CTNND1: variants seen among roughly 807,000 people sequenced by gnomAD.
CTNND1 encodes catenin delta 1, also known as catenin delta-1.
A neutral mutation model predicts 112.1 loss-of-function variants in CTNND1; 16 were observed. The ratio of observed to expected loss-of-function variants is 0.14; its 90% CI spans 0.10 to 0.22. The LOEUF (loss-of-function observed/expected upper bound fraction) is 0.22, where lower values mean the gene tolerates loss of function less well. CTNND1 is among the 10% of genes least tolerant of loss of function. The pLI, the probability that CTNND1 is intolerant of heterozygous loss-of-function variation, is 1.00. For missense variants in CTNND1, 1,008 were observed against 1,257.0 expected (o/e 0.80, Z 3.00); for synonymous variants, 420 against 446.5 (o/e 0.94, Z 0.75).
At chr11:57,782,233 A>G (rs2059656605) in intron 1 of CTNND1, among the ~76,000 whole-genome samples, 1 of 152,194 alleles carries the variant, frequency 6.6e-6, no homozygotes, top group Non-Finnish European at 1.5e-5. Context: ...CCAATCAGAG[A>G]GAATGTATCA....
At chr11:57,807,605 CAAAAAAAA>C (rs71470294) in intron 12 of CTNND1, among the ~76,000 whole-genome samples, 5 of 29,226 alleles carry the variant, frequency 1.7e-4, no homozygotes, top group African/African-American at 2.6e-4. Context: ...AACTCCGTCT[CAAAAAAAA>C]AAAAAAAAAA....
chr11:57,773,731 G>A (rs191327664), intron 1 of CTNND1, among the ~76,000 whole-genome samples: 5 of 151,494 alleles, frequency 3.3e-5, no homozygotes, highest in Admixed American at 6.6e-5. Context: ...GAGGTCAGGA[G>A]TTAGAGACCA....
intron 1 of CTNND1, among the ~76,000 whole-genome samples, chr11:57,784,014 G>A (rs1236423280): frequency 6.6e-6 from 1 of 151,916 alleles, no homozygotes; most frequent in Non-Finnish European, 1.5e-5. Context: ...GGACCTCCTA[G>A]ACTCAAGCAA....
chr11:57,808,093 G>A (rs900927992), intron 12 of CTNND1, 72 bp from the exon 13 acceptor site: 54 of 1,519,350 alleles, frequency 3.6e-5, no homozygotes, highest in Middle Eastern at 2.4e-4. Context: ...ACTAAGGCTG[G>A]ACTCCAGCCA....
chr11:57,794,061 T>A lies in CTNND1; in HGVS notation c.247T>A (p.Leu83Met), dbSNP rs2061066542. ...CCTTGAAAGACAGAAATTTTCAGATTTGAAACTCAACGGACCCCAGGTAAT... is the reference window on the plus strand; with the variant it reads ...CCTTGAAAGACAGAAATTTTCAGATATGAAACTCAACGGACCCCAGGTAAT... ...ADLERQKFSD[L>M]KLNGPQDHSH... is the part of the protein sequence containing the mutation. Residue 83 changes from leucine to methionine, a missense_variant, in exon 4 of 21, where the codon TTG (leucine) becomes ATG (methionine). This residue lies in a region of CTNND1 where 404 missense variants were observed against 457.9 expected (regional missense o/e 0.88). Transcript: ENST00000399050. The A allele has an allele frequency of 6.2e-7, 1 of 1,613,998 alleles. No individual in the cohort carries two copies. The highest frequency in any genetic ancestry group is 2.2e-5 in the East Asian group (1 of 44,876).
In CTNND1 at chr11:57,791,573, A is replaced by T. The variant is rs1359359948; in HGVS notation, c.95A>T (p.Glu32Val). The T allele has an allele frequency of 1.9e-6, 3 of 1,611,238 alleles. No individual in the cohort carries two copies. The highest frequency in any genetic ancestry group is 2.5e-6 in the Non-Finnish European group (3 of 1,178,902). Residue 32 changes from glutamate (E) to valine (V), a missense_variant, in exon 3 of 21, where the codon GAG becomes GTG. By Grantham distance (121) the Glu-to-Val change is moderately radical. Coordinates refer to ENST00000399050, the MANE Select transcript of CTNND1 (RefSeq NM_001085458.2). Reference protein sequence around the residue: ...QFEKLTRALEEERRHVSAQLE... With the variant: ...QFEKLTRALEVERRHVSAQLE... ...GAGAAGCTGACCCGGGCGCTGGAGG[A>T]GGAACGGCGCCACGTCTCGGCGCAG...
chr11:57,790,046 A>G (rs1364010497), intron 2 of CTNND1, among the ~76,000 whole-genome samples: 1 of 152,154 alleles, frequency 6.6e-6, no homozygotes, highest in African/African-American at 2.4e-5. Context: ...AAACTATAGT[A>G]GTATAGTTTG....
At chr11:57,806,853 G>C in intron 11 of CTNND1, 62 bp from the exon 12 acceptor site, 8 of 1,375,300 alleles carry the variant, frequency 5.8e-6, no homozygotes, top group Non-Finnish European at 8.1e-6. Context: ...AAATGTGCCA[G>C]GTGGAATCTT....
intron 5 of CTNND1, 77 bp downstream of exon 5, chr11:57,795,806 A>C (rs2061297554): frequency 7.2e-7 from 1 of 1,383,462 alleles, no homozygotes; most frequent in Non-Finnish European, 9.6e-7. Flanking sequence ...TTAAGCACTT[A>C]ATTAAGATGG....
Position 57,796,936 on chromosome 11 carries a change from TGA to T in CTNND1, c.901_902del (p.Asp301LeufsTer12). On this transcript the variant is annotated frameshift_variant, in exon 6 of 21. Coordinates refer to ENST00000399050, the MANE Select transcript of CTNND1 (RefSeq NM_001085458.2). LOFTEE classifies it high-confidence loss of function. ...ATGACCTGGATTATGGTATGATGTC[TGA>T]TTATGGCACTGCCCGTCGGACTGGG... Reference protein sequence around the residue: ...YDDLDYGMMSDYGTARRTGTP... With the variant: ...YDDLDYGMMSXYGTARRTGTP... 1.9e-6 allele frequency: 3 copies of T among 1,558,330 alleles called. No homozygotes were observed. The highest frequency in any genetic ancestry group is 1.2e-5 in the South Asian group (1 of 84,644).
At chr11:57,765,965 T>G (rs1950960711) in intron 1 of CTNND1, among the ~76,000 whole-genome samples, 1 of 152,062 alleles carries the variant, frequency 6.6e-6, no homozygotes, top group Non-Finnish European at 1.5e-5. Flanking sequence ...GGCAACATGG[T>G]GAAGACTCCT....
At chr11:57,774,715 A>AT (rs1953705042) in intron 1 of CTNND1, among the ~76,000 whole-genome samples, 1 of 151,564 alleles carries the variant, frequency 6.6e-6, no homozygotes, top group South Asian at 2.1e-4. Flanking sequence ...TTATTTATTT[A>AT]TTTATTTATT....
intron 5 of CTNND1, 71 bp from the exon 6 acceptor site, chr11:57,796,386 C>CAA (rs369962232): frequency 3.6e-4 from 400 of 1,116,388 alleles, no homozygotes; most frequent in East Asian, 5.0e-4. Context: ...GACTCCATCT[C>CAA]AAAAAAAAAA....
intron 1 of CTNND1, among the ~76,000 whole-genome samples, chr11:57,783,297 CA>C (rs199744337): frequency 6.7e-6 from 1 of 149,236 alleles, no homozygotes. Context: ...AACAAACAAA[CA>C]AAAAAAAACG....
intron 1 of CTNND1, among the ~76,000 whole-genome samples, chr11:57,778,542 A>AT (rs1324752100): frequency 6.6e-6 from 1 of 152,176 alleles, no homozygotes; most frequent in Non-Finnish European, 1.5e-5. Flanking sequence ...CTTTCTGCTG[A>AT]TTCTTAAAGG....
At position 57,796,950 on chromosome 11, in the gene CTNND1, C is replaced by CGA; in HGVS notation, c.914_915insGA (p.Arg306ThrfsTer20). On this transcript the variant is annotated frameshift_variant, in exon 6 of 21. Transcript: ENST00000399050. LOFTEE classifies it high-confidence loss of function. The stretch of plus-strand genomic sequence containing the variant: ...GGTATGATGTCTGATTATGGCACTG[C>CGA]CCGTCGGACTGGGACACCCTCTGAC... The CGA allele has an allele frequency of 2.0e-6, 3 of 1,535,242 alleles. No individual in the cohort carries two copies. The highest frequency in any genetic ancestry group is 1.8e-6 in the Non-Finnish European group (2 of 1,133,134).
Position 57,809,175 on chromosome 11 carries a change from AG to A in CTNND1, c.2243-98del, listed in dbSNP as rs985983561. On this transcript the variant is annotated intron_variant, in intron 14 of 20. Coordinates refer to ENST00000399050, the MANE Select transcript of CTNND1 (RefSeq NM_001085458.2). ...GATAATGAAGTTGATTCATGTGGAC[AG>A]CACCTACACTTGATATGATTAATGC... 1.5e-5 allele frequency: 12 copies of A among 820,508 alleles called. No individual in the cohort carries two copies. In the African/African-American group the frequency reaches 1.9e-4, roughly 13 times the overall value. 50.8% of individuals were successfully genotyped at this position (820,508 alleles called of 1,614,324 possible).
intron 9 of CTNND1, among the ~76,000 whole-genome samples, chr11:57,805,228 A>T (rs1272578564): frequency 6.6e-6 from 1 of 150,808 alleles, no homozygotes; most frequent in East Asian, 2.0e-4. Context: ...TGGGTATTCA[A>T]CTTAAAACAT....
rs769787022 is a variant in CTNND1, at chr11:57,805,962, A to C, written c.1803A>C (p.Gln601His). Residue 601 changes from glutamine (Q) to histidine (H), a missense_variant, in exon 10 of 21, where the codon CAA (glutamine) becomes CAC (histidine). This residue lies in a region of CTNND1 where 254 missense variants were observed against 279.5 expected (regional missense o/e 0.91). Transcript: ENST00000399050. The stretch of plus-strand genomic sequence containing the variant: ...AGATCCCACAGGCAGAGCGTTACCA[A>C]GAGGCAGCTCCCAATGTTGCCAACA... Reference protein sequence around the residue: ...HREIPQAERYQEAAPNVANNT... With the variant: ...HREIPQAERYHEAAPNVANNT... 6.2e-7 allele frequency: 1 copy of C among 1,613,248 alleles called. No individual in the cohort carries two copies. The highest frequency in any genetic ancestry group is 1.1e-5 in the South Asian group (1 of 90,828).
Sources: gnomAD v4.1 joint callset for allele counts (sites outside exome capture counted in the v4.1 genomes callset) on GRCh38, gnomAD v4.1.1 for gene constraint, gnomAD v4.1.1 regional missense constraint, MANE v1.5 for transcripts, NCBI Gene and HGNC (gene_info 2026-07-23, HGNC 2026-07-21) for gene names.